Variants in TMEM163 observed in about 807,000 individuals in gnomAD.
TMEM163 encodes transmembrane protein 163.
In TMEM163, 17 loss-of-function variants were observed where a neutral mutation model predicts 29.3. The ratio of observed to expected loss-of-function variants is 0.58; its 90% CI spans 0.40 to 0.87. The LOEUF (loss-of-function observed/expected upper bound fraction) is 0.87, where lower values mean the gene tolerates loss of function less well. Among genes scored for constraint, TMEM163 ranks in the 40% least tolerant of loss-of-function variants. The pLI, the probability that TMEM163 is intolerant of heterozygous loss-of-function variation, is 0.00. For synonymous variants in TMEM163, 157 were observed against 160.6 expected, an observed-to-expected ratio of 0.98 and a Z score of 0.17; for missense variants, 303 against 381.5, an observed-to-expected ratio of 0.79 and a Z score of 1.71.
chr2:134,465,179 T>C (rs1210921552), intron 6 of TMEM163, among the ~76,000 whole-genome samples: 4 of 121,572 alleles, frequency 3.3e-5, no homozygotes, highest in African/African-American at 1.5e-4. Flanking sequence ...ACATGGTGAG[T>C]CCGCATCTTT....
intron 2 of TMEM163, among the ~76,000 whole-genome samples, chr2:134,611,293 C>T (rs1237674498): frequency 3.3e-5 from 5 of 152,138 alleles, no homozygotes; most frequent in Admixed American, 3.3e-4. Context: ...TTTTCAGGCA[C>T]AGTGCTAGGG....
chr2:134,700,388 G>A (rs937133245), intron 2 of TMEM163, among the ~76,000 whole-genome samples: 4 of 152,072 alleles, frequency 2.6e-5, no homozygotes, highest in Non-Finnish European at 5.9e-5. Flanking sequence ...TTTAGTAAAC[G>A]TGAACTTGAG....
At chr2:134,684,745 G>GA (rs1041119045) in intron 2 of TMEM163, among the ~76,000 whole-genome samples, 2 of 151,940 alleles carry the variant, frequency 1.3e-5, no homozygotes, top group African/African-American at 4.8e-5. Flanking sequence ...CCAACATGGT[G>GA]AAACTCCATC....
intron 4 of TMEM163, among the ~76,000 whole-genome samples, chr2:134,526,443 C>A (rs1032589310): frequency 6.6e-6 from 1 of 152,092 alleles, no homozygotes; most frequent in Non-Finnish European, 1.5e-5. Context: ...ATCCCTAGAC[C>A]CCCATAAATC....
At chr2:134,512,484 C>A (rs1156560318) in intron 4 of TMEM163, among the ~76,000 whole-genome samples, 1 of 152,144 alleles carries the variant, frequency 6.6e-6, no homozygotes, top group African/African-American at 2.4e-5. Flanking sequence ...CCTAGAGAAG[C>A]TGAGAATTGA....
intron 2 of TMEM163, among the ~76,000 whole-genome samples, chr2:134,686,687 T>C (rs1684358851): frequency 6.6e-6 from 1 of 152,172 alleles, no homozygotes; most frequent in African/African-American, 2.4e-5. Flanking sequence ...AAGATTGTAA[T>C]ACTAAGAAAT....
At chr2:134,496,776 T>C (rs1679573292) in intron 5 of TMEM163, among the ~76,000 whole-genome samples, 1 of 152,182 alleles carries the variant, frequency 6.6e-6, no homozygotes, top group South Asian at 2.1e-4. Context: ...TAAGCATCAT[T>C]TCTGACTTAC....
chr2:134,567,235 G>A (rs759768678), intron 2 of TMEM163, among the ~76,000 whole-genome samples: 1 of 152,208 alleles, frequency 6.6e-6, no homozygotes, highest in Non-Finnish European at 1.5e-5. Context: ...CTGAGAATCA[G>A]TAATTATGTG....
chr2:134,580,667 T>C (rs1681671853), intron 2 of TMEM163, among the ~76,000 whole-genome samples: 1 of 152,162 alleles, frequency 6.6e-6, no homozygotes, highest in Non-Finnish European at 1.5e-5. Context: ...ATCCCAGCAC[T>C]TTGGGAGGCC....
intron 2 of TMEM163, among the ~76,000 whole-genome samples, chr2:134,712,849 C>A (rs1684954148): frequency 1.3e-5 from 2 of 152,052 alleles, no homozygotes; most frequent in African/African-American, 4.8e-5. Flanking sequence ...TTGCATTAGG[C>A]TGAAAATAAG....
At chr2:134,667,123 G>A (rs980123655) in intron 2 of TMEM163, among the ~76,000 whole-genome samples, 9 of 152,162 alleles carry the variant, frequency 5.9e-5, no homozygotes, top group Admixed American at 3.3e-4. Flanking sequence ...GTTTGATTCC[G>A]AAATCAAACG....
At chr2:134,660,396 G>A (rs1683720579) in intron 2 of TMEM163, among the ~76,000 whole-genome samples, 1 of 152,092 alleles carries the variant, frequency 6.6e-6, no homozygotes, top group Admixed American at 6.5e-5. Flanking sequence ...AGAGGGAGAG[G>A]GGGCAGATTC....
intron 2 of TMEM163, among the ~76,000 whole-genome samples, chr2:134,647,505 A>C (rs949658567): frequency 6.6e-6 from 1 of 152,098 alleles, no homozygotes; most frequent in African/African-American, 2.4e-5. Context: ...CTGGACCCTC[A>C]ATCTGTCGCA....
intron 2 of TMEM163, among the ~76,000 whole-genome samples, chr2:134,625,096 GTA>G (rs1682817907): frequency 6.6e-6 from 1 of 152,056 alleles, no homozygotes; most frequent in Non-Finnish European, 1.5e-5. Flanking sequence ...TGCATATGCT[GTA>G]TATGTGGGTA....
chr2:134,527,540 G>A (rs751617173), intron 4 of TMEM163, among the ~76,000 whole-genome samples: 17 of 152,212 alleles, frequency 1.1e-4, no homozygotes, highest in Non-Finnish European at 1.9e-4. Context: ...AGCTGTGGCA[G>A]GAAATTGAAG....
chr2:134,484,452 G>A (rs1679269049), intron 5 of TMEM163, among the ~76,000 whole-genome samples: 2 of 152,132 alleles, frequency 1.3e-5, no homozygotes, highest in Admixed American at 1.3e-4. Context: ...GCTGAAGAGG[G>A]AGGATTACTT....
At chr2:134,701,912 G>C (rs1389044766) in intron 2 of TMEM163, among the ~76,000 whole-genome samples, 1 of 89,418 alleles carries the variant, frequency 1.1e-5, no homozygotes, top group Non-Finnish European at 1.9e-5. Context: ...GACCAAAACT[G>C]TCTCAAAAAA....
intron 2 of TMEM163, among the ~76,000 whole-genome samples, chr2:134,661,887 C>G (rs992819492): frequency 1.4e-5 from 2 of 146,634 alleles, no homozygotes; most frequent in Non-Finnish European, 3.0e-5. Context: ...AGATTTGATA[C>G]AGTCTTTCAA....
chr2:134,539,239 C>T (rs898760810), intron 4 of TMEM163, among the ~76,000 whole-genome samples: 8 of 152,148 alleles, frequency 5.3e-5, no homozygotes, highest in African/African-American at 2.4e-5. Flanking sequence ...CAGAAAGATG[C>T]TGGTAAAACC....
Sources: gnomAD v4.1 joint callset for allele counts (sites outside exome capture counted in the v4.1 genomes callset) on GRCh38, gnomAD v4.1.1 for gene constraint, MANE v1.5 for transcripts, NCBI Gene and HGNC (gene_info 2026-07-23, HGNC 2026-07-21) for gene names.